The following MCRIP1 variants were observed in gnomAD, a reference collection of about 807,000 sequenced individuals.
The protein encoded by MCRIP1 is mapk-regulated corepressor-interacting protein 1.
A neutral mutation model predicts 14.4 loss-of-function variants in MCRIP1; 10 were observed. The observed-to-expected ratio is 0.70, with a 90% CI of 0.43 to 1.18. The LOEUF (loss-of-function observed/expected upper bound fraction) is 1.18, where lower values mean the gene tolerates loss of function less well. Ranked by LOEUF, MCRIP1 falls within the 50% of genes most tolerant of loss-of-function variation. The pLI, the probability that MCRIP1 is intolerant of heterozygous loss-of-function variation, is 0.00. For synonymous variants in MCRIP1, 53 were observed against 55.7 expected (o/e 0.95, Z 0.21); for missense variants, 119 against 135.4 (o/e 0.88, Z 0.60).
rs1455705500 is a variant in MCRIP1, at chr17:81,822,463, CACAG to C, written c.*780_*783del. On this transcript the variant is annotated 3_prime_UTR_variant, in exon 5 of 5. Coordinates refer to ENST00000455127, the MANE Select transcript of MCRIP1 (RefSeq NM_207368.5). ...CACAGACCCTCGAGCTCCACAGCCA[CACAG>C]ACACTTAGCTTTCAGAGGGCACAGG... 1.3e-5 allele frequency: 2 copies of C among 152,728 alleles called. No homozygotes were observed. The highest frequency in any genetic ancestry group is 1.5e-5 in the Non-Finnish European group (1 of 68,514). 9.5% of individuals were successfully genotyped at this position (152,728 alleles called of 1,614,324 possible). A position where few individuals can be genotyped will look rare whatever the true frequency, so the allele number is the denominator to read the frequency against.
Position 81,824,482 on chromosome 17 carries a change from A to G in MCRIP1, c.8+17T>C, listed in dbSNP as rs1421800334. 6.5e-7 allele frequency: 1 copy of G among 1,535,792 alleles called. No homozygotes were observed. The highest frequency in any genetic ancestry group is 1.4e-5 in the African/African-American group (1 of 73,028). On this transcript the variant is annotated intron_variant, in intron 2 of 4. Transcript: ENST00000455127. ...AACCCGCCCCGGTGGAGACCAGCCC[A>G]CCTGCCTGAGACCCACCTGGTCATC...
At chr17:81,825,861 G>A (rs534064374) in intron 1 of MCRIP1, 17 of 1,289,960 alleles carry the variant, frequency 1.3e-5, no homozygotes, top group African/African-American at 1.2e-4. Context: ...ACCAGAGCAC[G>A]GAGGGAAAGG....
At chr17:81,829,111 C>A (rs1555597838) in intron 1 of MCRIP1, among the ~76,000 whole-genome samples, 1 of 152,184 alleles carries the variant, frequency 6.6e-6, no homozygotes, top group Non-Finnish European at 1.5e-5. Flanking sequence ...ATGGCACAGG[C>A]CCAGAGAAGC....
chr17:81,824,866 C>A (rs140810491), intron 1 of MCRIP1: 27,964 of 1,271,250 alleles, frequency 0.022, 399 homozygotes, highest in Non-Finnish European at 0.025. Flanking sequence ...AGCCCCAGCA[C>A]CGGGAGCACT....
At chr17:81,829,507 C>T (rs143050603) in intron 1 of MCRIP1, among the ~76,000 whole-genome samples, 1,848 of 152,390 alleles carry the variant, frequency 0.012, 25 homozygotes, top group Non-Finnish European at 0.018. Flanking sequence ...ACCCCACTGC[C>T]TCTGAGAGTT....
At chr17:81,825,441 G>A in intron 1 of MCRIP1, 1 of 1,193,184 alleles carries the variant, frequency 8.4e-7, no homozygotes, top group South Asian at 1.5e-5. Context: ...CTGGGGGAGG[G>A]GAGTCCCAGG....
At chr17:81,826,567 C>T in intron 1 of MCRIP1, 1 of 583,946 alleles carries the variant, frequency 1.7e-6, no homozygotes. Flanking sequence ...CGCTTGTAAT[C>T]CCAACACTTT....
intron 1 of MCRIP1, chr17:81,826,606 G>A (rs1335149113): frequency 1.9e-6 from 1 of 533,612 alleles, no homozygotes; most frequent in Non-Finnish European, 3.3e-6. Flanking sequence ...GATCAGCTGA[G>A]GTCAGGAGTT....
chr17:81,823,356 GC>G lies in MCRIP1; in HGVS notation c.230-46del. ...TAGGTGGTGGGCACAGGCCCCTCCTGCCCATGAGGCCCGGCCTGCCGGCCCA... is the reference window on the plus strand; with the variant it reads ...TAGGTGGTGGGCACAGGCCCCTCCTGCCATGAGGCCCGGCCTGCCGGCCCA... On this transcript the variant is annotated intron_variant, in intron 4 of 4. Coordinates refer to ENST00000455127, the MANE Select transcript of MCRIP1 (RefSeq NM_207368.5). This position sits in a 1 kb window ranked among gnomAD's most constrained non-coding sequence, Gnocchi z 6.0. 6.5e-7 allele frequency: 1 copy of G among 1,536,106 alleles called. No homozygotes were observed.
chr17:81,823,553 C>G lies in MCRIP1; in HGVS notation c.128-40G>C. 6.7e-7 allele frequency: 1 copy of G among 1,496,264 alleles called. No homozygotes were observed. The highest frequency in any genetic ancestry group is 9.0e-7 in the Non-Finnish European group (1 of 1,111,656). The allele number at this position is 1,496,264 out of a possible 1,614,324, so 92.7% of individuals were successfully genotyped here. Reference sequence around the variant, plus strand: ...AGTGGTGTGCTCAGGGCCCCCTGCCCCAGGGGGTGGCATCCACGTCACGAG... The same window carrying G: ...AGTGGTGTGCTCAGGGCCCCCTGCCGCAGGGGGTGGCATCCACGTCACGAG... On this transcript the variant is annotated intron_variant, in intron 3 of 4. Coordinates refer to ENST00000455127, the MANE Select transcript of MCRIP1 (RefSeq NM_207368.5). This position sits in a 1 kb window ranked among gnomAD's most constrained non-coding sequence, Gnocchi z 6.0.
Position 81,824,333 on chromosome 17 carries a change from C to G in MCRIP1, c.81G>C (p.Glu27Asp). ...TCTCCTCGTGGGCTGGGGTGAAGAT[C>G]TCGCTGCTGCTGGGTGGGGAGCGGG... ...SSPRSPPSSS[E>D]IFTPAHEENV... The change falls in exon 3 of 5, where the codon GAG (glutamate) becomes GAC (aspartate). Residue 27 changes from glutamate to aspartate, a missense_variant. Coordinates refer to ENST00000455127, the MANE Select transcript of MCRIP1 (RefSeq NM_207368.5). 1 of 1,536,150 alleles carries G rather than the reference C, an allele frequency of 6.5e-7. No homozygotes were observed. The highest frequency in any genetic ancestry group is 8.7e-7 in the Non-Finnish European group (1 of 1,146,594).
At chr17:81,825,642 C>T (rs935962427) in intron 1 of MCRIP1, 51 of 1,289,292 alleles carry the variant, frequency 4.0e-5, no homozygotes, top group Non-Finnish European at 4.9e-5. Context: ...AAGAATCCCA[C>T]GGCTCAAGGG....
intron 1 of MCRIP1, among the ~76,000 whole-genome samples, chr17:81,831,660 A>C (rs2038523485): frequency 6.6e-6 from 1 of 152,164 alleles, no homozygotes; most frequent in East Asian, 1.9e-4. Flanking sequence ...ATACCCTGAG[A>C]ACTTCCAGTT....
Position 81,826,171 on chromosome 17 carries a change from T to C in MCRIP1, c.-48-1617A>G, listed in dbSNP as rs2038390713. Reference sequence around the variant, plus strand: ...TCACTCCTGCCCCAGATCCCACTGATTGCCCCACATCCTCCCAAGCAACTA... The same window carrying C: ...TCACTCCTGCCCCAGATCCCACTGACTGCCCCACATCCTCCCAAGCAACTA... On this transcript the variant is annotated intron_variant, in intron 1 of 4. Coordinates refer to ENST00000455127, the MANE Select transcript of MCRIP1 (RefSeq NM_207368.5). 2.7e-6 allele frequency: 4 copies of C among 1,498,502 alleles called. No homozygotes were observed. The African/African-American group carries it at 4.1e-5, about 15-fold the overall frequency. 92.8% of individuals were successfully genotyped at this position (1,498,502 alleles called of 1,614,324 possible).
chr17:81,830,686 T>C (rs2038499054), intron 1 of MCRIP1, among the ~76,000 whole-genome samples: 1 of 151,418 alleles, frequency 6.6e-6, no homozygotes, highest in Non-Finnish European at 1.5e-5. Flanking sequence ...TCCTAGCACT[T>C]TGGGAGGTCA....
chr17:81,824,478 G>A lies in MCRIP1; in HGVS notation c.8+21C>T, dbSNP rs1409523820. 4 of 1,535,930 alleles carry A rather than the reference G, an allele frequency of 2.6e-6. No individual in the cohort carries two copies. In the Admixed American group the frequency reaches 7.8e-5, roughly 30 times the overall value. ...CCACAACCCGCCCCGGTGGAGACCA[G>A]CCCACCTGCCTGAGACCCACCTGGT... On this transcript the variant is annotated intron_variant, in intron 2 of 4. Transcript: ENST00000455127.
intron 1 of MCRIP1, chr17:81,825,694 ACT>A (rs1390165121): frequency 7.8e-7 from 1 of 1,289,292 alleles, no homozygotes; most frequent in East Asian, 5.6e-5. Flanking sequence ...CAGCCCTGGA[ACT>A]CTGTGCCCCA....
chr17:81,828,575 C>T (rs1231646884), intron 1 of MCRIP1, among the ~76,000 whole-genome samples: 1 of 152,164 alleles, frequency 6.6e-6, no homozygotes, highest in African/African-American at 2.4e-5. Context: ...GGAAGAGCCA[C>T]CGCAGAAGGG....
chr17:81,823,326 C>G lies in MCRIP1; in HGVS notation c.230-15G>C, dbSNP rs139247195. On this transcript the variant is annotated splice_polypyrimidine_tract_variant and intron_variant, in intron 4 of 4. Coordinates refer to ENST00000455127, the MANE Select transcript of MCRIP1 (RefSeq NM_207368.5). The surrounding 1 kb of genome is among the most constrained non-coding windows in gnomAD (Gnocchi z 6.0). ...GGGCTTGAAGGCTGCCAGGGGACAA[C>G]GCGGTAGGTGGTGGGCACAGGCCCC... 1 of 1,536,906 alleles carries G rather than the reference C, an allele frequency of 6.5e-7. No individual in the cohort carries two copies. The highest frequency in any genetic ancestry group is 8.7e-7 in the Non-Finnish European group (1 of 1,146,772).
Sources: gnomAD v4.1 joint callset for allele counts (sites outside exome capture counted in the v4.1 genomes callset) on GRCh38, gnomAD v4.1.1 for gene constraint, Gnocchi (gnomAD v3.1) non-coding constraint, MANE v1.5 for transcripts, NCBI Gene and HGNC (gene_info 2026-07-23, HGNC 2026-07-21) for gene names.